B4GALNT3: variants seen among roughly 807,000 people sequenced by gnomAD.
B4GALNT3 encodes the protein beta-1,4-N-acetyl-galactosaminyltransferase 3.
A neutral mutation model predicts 120.2 loss-of-function variants in B4GALNT3; 86 were observed. The ratio of observed to expected loss-of-function variants is 0.72; its 90% CI spans 0.60 to 0.86. The LOEUF (loss-of-function observed/expected upper bound fraction) is 0.86, where lower values mean the gene tolerates loss of function less well. Among genes scored for constraint, B4GALNT3 ranks in the 40% least tolerant of loss-of-function variants. B4GALNT3 has a pLI of 0.00. For missense variants in B4GALNT3, 1,167 were observed against 1,298.9 expected, an observed-to-expected ratio of 0.90 and a Z score of 1.56; for synonymous variants, 518 against 510.4, an observed-to-expected ratio of 1.01 and a Z score of -0.20.
At chr12:532,451 G>C (rs374713608) in intron 1 of B4GALNT3, among the ~76,000 whole-genome samples, 13 of 152,240 alleles carry the variant, frequency 8.5e-5, no homozygotes, top group African/African-American at 2.9e-4. Flanking sequence ...ACATGGGAGA[G>C]AGGCTTCAGG....
chr12:535,543 C>T (rs923457167), intron 2 of B4GALNT3, among the ~76,000 whole-genome samples: 13 of 152,252 alleles, frequency 8.5e-5, no homozygotes, highest in South Asian at 4.1e-4. Context: ...TCAGTTTGCC[C>T]GTGCCGGAAC....
intron 1 of B4GALNT3, among the ~76,000 whole-genome samples, chr12:503,234 C>T (rs2120544535): frequency 6.6e-6 from 1 of 152,320 alleles, no homozygotes; most frequent in African/African-American, 2.4e-5. Context: ...CACAGCCTCC[C>T]TGGTTTACAG....
At chr12:539,817 A>G (rs914429322) in intron 3 of B4GALNT3, among the ~76,000 whole-genome samples, 1 of 152,142 alleles carries the variant, frequency 6.6e-6, no homozygotes, top group Non-Finnish European at 1.5e-5. Flanking sequence ...CAGCTAAGGA[A>G]AAAGGATTGC....
intron 19 of B4GALNT3, 68 bp downstream of exon 19, chr12:559,489 C>T: frequency 6.3e-7 from 1 of 1,593,206 alleles, no homozygotes; most frequent in Non-Finnish European, 8.6e-7. Flanking sequence ...GGGAGCCAGG[C>T]TACAGCAGCC....
At chr12:558,765 C>T in intron 18 of B4GALNT3, 104 bp downstream of exon 18, 1 of 1,177,302 alleles carries the variant, frequency 8.5e-7, no homozygotes, top group Non-Finnish European at 1.2e-6. Context: ...CATCCTCCTC[C>T]CCTGCCCCAC....
At chr12:473,281 A>G (rs1283354469) in intron 1 of B4GALNT3, among the ~76,000 whole-genome samples, 2 of 151,914 alleles carry the variant, frequency 1.3e-5, no homozygotes, top group East Asian at 3.9e-4. Context: ...ATACTTACCA[A>G]CCCCTTCTAC....
At chr12:507,548 G>A (rs561858408) in intron 1 of B4GALNT3, among the ~76,000 whole-genome samples, 2 of 152,318 alleles carry the variant, frequency 1.3e-5, no homozygotes, top group South Asian at 2.1e-4. Context: ...GTGGCCTGGG[G>A]CACTGCTGTT....
At position 508,890 on chromosome 12, in the gene B4GALNT3, G is replaced by A. The variant is rs114068389; in HGVS notation, c.170-26276G>A. On this transcript the variant is annotated intron_variant, in intron 1 of 19. Coordinates refer to ENST00000266383, the MANE Select transcript of B4GALNT3 (RefSeq NM_173593.4). ...CAATTATTTTTCAGTAAGGAGCCAG[G>A]GAACCAGGGTCTTTTCCTCTCATGC... Among the ~76,000 whole-genome samples the A allele has an allele frequency of 7.4e-4, 112 of 152,320 alleles. 1 individual carries two copies. The highest frequency in any genetic ancestry group is 2.6e-3 in the African/African-American group (108 of 41,570).
chr12:556,819 A>G lies in B4GALNT3; in HGVS notation c.2333A>G (p.Gln778Arg). Residue 778 changes from glutamine to arginine, a missense_variant, in exon 15 of 20, where the codon CAG becomes CGG. Around this residue, in one of 3 missense-constraint regions of B4GALNT3, gnomAD observed 983 missense variants for 1,102.5 expected, o/e 0.89. Coordinates refer to ENST00000266383, the MANE Select transcript of B4GALNT3 (RefSeq NM_173593.4). ...CAAGAGCCCAAGCTGTGCTGGCCTCAGGGTTTCTCCTGGAGTCACCGAGCC... is the reference window on the plus strand; with the variant it reads ...CAAGAGCCCAAGCTGTGCTGGCCTCGGGGTTTCTCCTGGAGTCACCGAGCC... Reference protein sequence around the residue: ...RAQEPKLCWPQGFSWSHRAVV... With the variant: ...RAQEPKLCWPRGFSWSHRAVV... 6.2e-7 allele frequency: 1 copy of G among 1,613,450 alleles called. No individual in the cohort carries two copies. The highest frequency in any genetic ancestry group is 8.5e-7 in the Non-Finnish European group (1 of 1,179,720).
chr12:472,029 C>CA (rs2120437162), intron 1 of B4GALNT3, among the ~76,000 whole-genome samples: 1 of 152,110 alleles, frequency 6.6e-6, no homozygotes, highest in South Asian at 2.1e-4. Flanking sequence ...CCTCCAGCGA[C>CA]AGCAGGCTGT....
At position 556,268 on chromosome 12, in the gene B4GALNT3, CT is replaced by C. The variant is rs200508392; in HGVS notation, c.2061-277del. 3.4e-3 allele frequency among the ~76,000 whole-genome samples: 518 copies of C among 152,318 alleles called. 3 individuals are homozygous for C. Among genetic ancestry groups the C allele is most frequent in the African/African-American group, 0.012 (493 of 41,568 alleles). On this transcript the variant is annotated intron_variant, in intron 14 of 19. Coordinates refer to ENST00000266383, the MANE Select transcript of B4GALNT3 (RefSeq NM_173593.4). ...TGAGGGTCAGTTTCTCAGGGAACCT[CT>C]TCAGTGTGACCCCTCTTATTCAGCT...
chr12:471,784 CAA>C (rs1240776612), intron 1 of B4GALNT3, among the ~76,000 whole-genome samples: 1 of 150,340 alleles, frequency 6.7e-6, no homozygotes, highest in East Asian at 1.9e-4. Context: ...AAATTTAAAA[CAA>C]ATTTATTTAA....
At chr12:464,704 A>G (rs10735031) in intron 1 of B4GALNT3, among the ~76,000 whole-genome samples, 76,767 of 151,980 alleles carry the variant, frequency 0.51, 20,666 homozygotes, top group South Asian at 0.68. Flanking sequence ...AATCCAAGAC[A>G]GAAGGATGGC....
At chr12:515,089 G>A (rs1466720686) in intron 1 of B4GALNT3, among the ~76,000 whole-genome samples, 1 of 152,184 alleles carries the variant, frequency 6.6e-6, no homozygotes, top group Non-Finnish European at 1.5e-5. Context: ...CAACTTACTA[G>A]CCATGTGGCA....
intron 1 of B4GALNT3, among the ~76,000 whole-genome samples, chr12:499,247 A>G (rs995488076): frequency 6.6e-6 from 1 of 152,268 alleles, no homozygotes; most frequent in African/African-American, 2.4e-5. Flanking sequence ...AAAACTTAAG[A>G]TCCATGCAGG....
chr12:509,577 T>C (rs1029717527), intron 1 of B4GALNT3, among the ~76,000 whole-genome samples: 1 of 150,886 alleles, frequency 6.6e-6, no homozygotes, highest in African/African-American at 2.4e-5. Context: ...TGGTACCTAG[T>C]TCAAGAGAGT....
chr12:510,502 G>GGGAGGGAGTTGGCTGGGCTGGGA (rs1946537565), intron 1 of B4GALNT3, among the ~76,000 whole-genome samples: 2 of 147,364 alleles, frequency 1.4e-5, no homozygotes, highest in Admixed American at 6.7e-5. Flanking sequence ...GGAGGGAAAC[G>GGGAGGGAGTTGGCTGGGCTGGGA]GGCCCTTTCA....
At chr12:552,038 C>T (rs767109017) in intron 11 of B4GALNT3, 25 bp from the exon 12 acceptor site, 1 of 1,519,832 alleles carries the variant, frequency 6.6e-7, no homozygotes, top group African/African-American at 1.4e-5. Context: ...TCTCTTACTC[C>T]TGCTGCTGAT....
intron 1 of B4GALNT3, among the ~76,000 whole-genome samples, chr12:499,215 T>C (rs1270784276): frequency 6.6e-6 from 1 of 152,258 alleles, no homozygotes; most frequent in Non-Finnish European, 1.5e-5. Context: ...CTTACCTTTG[T>C]GTATTTAATT....
Sources: gnomAD v4.1 joint callset for allele counts (sites outside exome capture counted in the v4.1 genomes callset) on GRCh38, gnomAD v4.1.1 for gene constraint, gnomAD v4.1.1 regional missense constraint, MANE v1.5 for transcripts, NCBI Gene and HGNC (gene_info 2026-07-23, HGNC 2026-07-21) for gene names.